The following TEC variants were observed in gnomAD, a reference collection of about 807,000 sequenced individuals.
The protein encoded by TEC is tec protein tyrosine kinase.
A neutral mutation model predicts 93.0 loss-of-function variants in TEC; 72 were observed. The observed-to-expected ratio is 0.77, with a 90% confidence interval of 0.64 to 0.94. The LOEUF (loss-of-function observed/expected upper bound fraction) is 0.94, where lower values mean the gene tolerates loss of function less well. Among genes scored for constraint, TEC ranks in the 40% least tolerant of loss-of-function variants. TEC has a pLI of 0.00. For missense variants in TEC, 630 were observed against 757.9 expected (o/e 0.83, Z 1.98); for synonymous variants, 249 against 247.7 (o/e 1.01, Z -0.05).
chr4:48,227,000 G>C (rs1723488090), intron 2 of TEC, among the ~76,000 whole-genome samples: 1 of 152,122 alleles, frequency 6.6e-6, no homozygotes, highest in African/African-American at 2.4e-5. Flanking sequence ...GCAGGGACTA[G>C]GGCAGCTCCA....
chr4:48,184,770 T>C (rs76300856), intron 2 of TEC, among the ~76,000 whole-genome samples: 5,352 of 141,054 alleles, frequency 0.038, 313 homozygotes, highest in African/African-American at 0.11. Flanking sequence ...ACAAAAAAAA[T>C]ACACACACAC....
chr4:48,204,122 T>G (rs533207123), intron 2 of TEC, among the ~76,000 whole-genome samples: 98 of 152,364 alleles, frequency 6.4e-4, no homozygotes, highest in African/African-American at 2.3e-3. Context: ...CCTTTCTAGA[T>G]TGGCCCTTGA....
chr4:48,252,816 C>A (rs1724238949), intron 1 of TEC, among the ~76,000 whole-genome samples: 1 of 152,190 alleles, frequency 6.6e-6, no homozygotes, highest in African/African-American at 2.4e-5. Context: ...AATGTAGGAA[C>A]ACTGGGTGAC....
At chr4:48,139,497 A>C (rs1210288684) in intron 15 of TEC, among the ~76,000 whole-genome samples, 4 of 151,900 alleles carry the variant, frequency 2.6e-5, no homozygotes, top group Non-Finnish European at 1.5e-5. Flanking sequence ...TGAAAATAGC[A>C]AATGCAAAAA....
chr4:48,199,454 TC>T lies in TEC; in HGVS notation c.139-23269del, dbSNP rs1425810187. Among the ~76,000 whole-genome samples the T allele has an allele frequency of 1.3e-4, 17 of 130,250 alleles. 1 individual carries two copies. Among genetic ancestry groups the T allele is most frequent in the African/African-American group, 1.4e-4 (5 of 34,596 alleles). The allele number at this position is 130,250 out of a possible 152,430, so 85.4% of individuals were successfully genotyped here. On this transcript the variant is annotated intron_variant, in intron 2 of 17. Coordinates refer to ENST00000381501, the MANE Select transcript of TEC (RefSeq NM_003215.3). ...TCTGGGCTACAGAAAGGATTTTCTTTCTTTTTTTTTTTTTTTTTTTTTTTTT... is the reference window on the plus strand; with the variant it reads ...TCTGGGCTACAGAAAGGATTTTCTTTTTTTTTTTTTTTTTTTTTTTTTTTT...
rs556295540 is a variant in TEC, at chr4:48,172,590, C to T, written c.244-1141G>A. Reference sequence around the variant, plus strand: ...GCTAGGATTACAGGTGTGAGAGCCACGGTAACCAGCCAGAAATGCACTGTA... The same window carrying T: ...GCTAGGATTACAGGTGTGAGAGCCATGGTAACCAGCCAGAAATGCACTGTA... On this transcript the variant is annotated intron_variant, in intron 3 of 17. Coordinates refer to ENST00000381501, the MANE Select transcript of TEC (RefSeq NM_003215.3). Among the ~76,000 whole-genome samples the T allele has an allele frequency of 2.0e-5, 3 of 152,112 alleles. No homozygotes were observed. In the South Asian group the frequency reaches 6.2e-4, roughly 32 times the overall value.
At chr4:48,148,134 G>A (rs1719995668) in intron 11 of TEC, among the ~76,000 whole-genome samples, 1 of 152,102 alleles carries the variant, frequency 6.6e-6, no homozygotes, top group African/African-American at 2.4e-5. Flanking sequence ...TTCTTCTTGG[G>A]ATGATGACAA....
chr4:48,245,011 T>C (rs1724015568), intron 1 of TEC, among the ~76,000 whole-genome samples: 3 of 152,184 alleles, frequency 2.0e-5, no homozygotes, highest in African/African-American at 7.2e-5. Flanking sequence ...CTTTAAAAAT[T>C]AGGCCGAGCA....
At chr4:48,184,768 A>T (rs78911773) in intron 2 of TEC, among the ~76,000 whole-genome samples, 1,608 of 96,982 alleles carry the variant, frequency 0.017, 23 homozygotes, top group Middle Eastern at 0.06. Flanking sequence ...AGACAAAAAA[A>T]ATACACACAC....
At chr4:48,200,715 G>A (rs1306720780) in intron 2 of TEC, among the ~76,000 whole-genome samples, 2 of 152,248 alleles carry the variant, frequency 1.3e-5, no homozygotes, top group Non-Finnish European at 2.9e-5. Context: ...ATAAGGCAAA[G>A]CTGCTAAAGG....
intron 2 of TEC, among the ~76,000 whole-genome samples, chr4:48,212,110 A>AAAAAAAAAAAATATATATATATAT: frequency 2.5e-5 from 3 of 122,264 alleles, no homozygotes; most frequent in African/African-American, 8.9e-5. Context: ...AAAAAAAAAA[A>AAAAAAAAAAAATATATATATATAT]ATATATATAT....
intron 1 of TEC, among the ~76,000 whole-genome samples, chr4:48,252,055 G>A (rs542400579): frequency 1.5e-4 from 23 of 152,236 alleles, no homozygotes; most frequent in Non-Finnish European, 2.6e-4. Context: ...ATAACAGAAC[G>A]CAGTTCACAG....
intron 2 of TEC, among the ~76,000 whole-genome samples, chr4:48,203,280 G>A (rs572713238): frequency 9.9e-5 from 15 of 152,242 alleles, no homozygotes; most frequent in East Asian, 3.9e-4. Context: ...CATGAGAATC[G>A]CTTTAGCCTG....
chr4:48,146,438 T>C (rs1244899421), intron 11 of TEC, 39 bp from the exon 12 acceptor site: 2 of 1,576,466 alleles, frequency 1.3e-6, no homozygotes, highest in African/African-American at 2.7e-5. Context: ...AACTCATTCA[T>C]AATCATTCTG....
chr4:48,198,228 G>A (rs936513409), intron 2 of TEC, among the ~76,000 whole-genome samples: 9 of 152,218 alleles, frequency 5.9e-5, no homozygotes, highest in Non-Finnish European at 1.2e-4. Context: ...TCAGGCTCCC[G>A]GCGCCAGGGC....
chr4:48,197,798 A>T (rs192069497), intron 2 of TEC, among the ~76,000 whole-genome samples: 51 of 152,332 alleles, frequency 3.3e-4, no homozygotes, highest in Non-Finnish European at 6.6e-4. Flanking sequence ...CACCCTTGAT[A>T]GTTCTAGTTC....
chr4:48,237,168 T>C (rs1723807957), intron 1 of TEC, among the ~76,000 whole-genome samples: 1 of 151,964 alleles, frequency 6.6e-6, no homozygotes, highest in Admixed American at 6.6e-5. Flanking sequence ...CTATCTCTAC[T>C]GAAAATACAG....
intron 8 of TEC, among the ~76,000 whole-genome samples, chr4:48,160,792 GAAGA>G (rs929245161): frequency 1.1e-4 from 13 of 121,744 alleles, no homozygotes; most frequent in African/African-American, 2.9e-4. Context: ...GAAAAGAAAA[GAAGA>G]AAGAAAGAGA....
At chr4:48,163,863 G>T in intron 7 of TEC, 96 bp from the exon 8 acceptor site, 2 of 559,440 alleles carry the variant, frequency 3.6e-6, no homozygotes, top group South Asian at 2.4e-5. Context: ...GCATGACATT[G>T]CTTAAAGCTT....
Sources: gnomAD v4.1 joint callset for allele counts (sites outside exome capture counted in the v4.1 genomes callset) on GRCh38, gnomAD v4.1.1 for gene constraint, MANE v1.5 for transcripts, NCBI Gene and HGNC (gene_info 2026-07-23, HGNC 2026-07-21) for gene names.